Variants in SLC37A1 observed in about 807,000 individuals in gnomAD.
The protein encoded by SLC37A1 is solute carrier family 37 member 1.
A neutral mutation model predicts 75.3 loss-of-function variants in SLC37A1; 49 were observed. The ratio of observed to expected loss-of-function variants is 0.65; its 90% CI spans 0.52 to 0.83. The LOEUF (loss-of-function observed/expected upper bound fraction) is 0.83, where lower values mean the gene tolerates loss of function less well. SLC37A1 is among the 40% of genes least tolerant of loss of function. SLC37A1 has a pLI of 0.00. For synonymous variants in SLC37A1, 268 were observed against 292.1 expected (o/e 0.92, Z 0.84); for missense variants, 566 against 695.0 (o/e 0.81, Z 2.09).
At chr21:42,501,811 A>T (rs188812443) in intron 1 of SLC37A1, among the ~76,000 whole-genome samples, 83 of 152,336 alleles carry the variant, frequency 5.4e-4, no homozygotes, top group African/African-American at 1.8e-3. Context: ...CTACTGGTGG[A>T]TATGTAAGGC....
intron 2 of SLC37A1, among the ~76,000 whole-genome samples, chr21:42,523,031 C>T (rs2054691823): frequency 6.6e-6 from 1 of 152,262 alleles, no homozygotes; most frequent in African/African-American, 2.4e-5. Flanking sequence ...ACTCTTCAGA[C>T]CTCAGCCCGA....
chr21:42,560,091 G>A (rs555860309), intron 11 of SLC37A1, among the ~76,000 whole-genome samples: 4 of 152,300 alleles, frequency 2.6e-5, no homozygotes, highest in Admixed American at 1.3e-4. Context: ...CGTGATCAGC[G>A]GGTGATCAGT....
At chr21:42,523,830 C>T (rs1323111233) in intron 2 of SLC37A1, among the ~76,000 whole-genome samples, 1 of 151,828 alleles carries the variant, frequency 6.6e-6, no homozygotes, top group African/African-American at 2.4e-5. Context: ...AAGGCACAGG[C>T]ATTCCAAAGG....
At chr21:42,572,303 G>A (rs989465523) in intron 17 of SLC37A1, among the ~76,000 whole-genome samples, 1 of 152,038 alleles carries the variant, frequency 6.6e-6, no homozygotes, top group Non-Finnish European at 1.5e-5. Context: ...GGGGCACCTG[G>A]TGGCACCTTC....
intron 16 of SLC37A1, 93 bp from the exon 17 acceptor site, chr21:42,568,267 T>C: frequency 1.0e-6 from 1 of 970,714 alleles, no homozygotes; most frequent in Non-Finnish European, 1.6e-6. Context: ...TGAGTTGTTT[T>C]GCAGAGCAGT....
upstream of SLC37A1, among the ~76,000 whole-genome samples, chr21:42,510,090 C>G (rs962669473): frequency 1.3e-5 from 2 of 152,180 alleles, no homozygotes; most frequent in Admixed American, 6.5e-5. Flanking sequence ...TGCAGTGATG[C>G]GATCTCAGCT....
intron 17 of SLC37A1, among the ~76,000 whole-genome samples, chr21:42,568,715 T>C (rs1362227483): frequency 6.6e-6 from 1 of 152,208 alleles, no homozygotes; most frequent in Non-Finnish European, 1.5e-5. Context: ...CTAACTCAGG[T>C]CCACTCATTA....
intron 2 of SLC37A1, among the ~76,000 whole-genome samples, chr21:42,503,420 T>C (rs1279147951): frequency 6.7e-6 from 1 of 149,110 alleles, no homozygotes; most frequent in Non-Finnish European, 1.5e-5. Flanking sequence ...TGGCTGATTT[T>C]TTGTATTTTT....
intron 10 of SLC37A1, among the ~76,000 whole-genome samples, chr21:42,555,962 C>T (rs2055680359): frequency 6.6e-6 from 1 of 152,220 alleles, no homozygotes; most frequent in African/African-American, 2.4e-5. Flanking sequence ...GTTGGCTGGA[C>T]ACCCTGGATG....
Position 42,580,337 on chromosome 21 carries a change from T to G in SLC37A1, c.1587-8T>G, listed in dbSNP as rs760482447. The G allele has an allele frequency of 5.6e-6, 9 of 1,612,758 alleles. No individual in the cohort carries two copies. In the East Asian group the frequency reaches 1.8e-4, roughly 32 times the overall value. On this transcript the variant is annotated splice_polypyrimidine_tract_variant and splice_region_variant and intron_variant, in intron 19 of 19. Coordinates refer to ENST00000352133, the MANE Select transcript of SLC37A1 (RefSeq NM_001320537.2). ...TTAGAGCAGCTCTTCTTTCAACCTT[T>G]CTTTCAGATTTAAGGAACAGTGACA...
Position 42,568,291 on chromosome 21 carries a change from C to A in SLC37A1, c.1345-69C>A. ...TTGCAGAGCAGTTTGAGTAAATGGTCATACAGAGGCTTAGGTTTACTTCTC... is the reference window on the plus strand; with the variant it reads ...TTGCAGAGCAGTTTGAGTAAATGGTAATACAGAGGCTTAGGTTTACTTCTC... On this transcript the variant is annotated intron_variant, in intron 16 of 19. Coordinates refer to ENST00000352133, the MANE Select transcript of SLC37A1 (RefSeq NM_001320537.2). 3 of 1,252,388 alleles carry A rather than the reference C, an allele frequency of 2.4e-6. No individual in the cohort carries two copies. The South Asian group carries it at 3.7e-5, about 16-fold the overall frequency. 77.6% of individuals were successfully genotyped at this position (1,252,388 alleles called of 1,614,324 possible). A position where few individuals can be genotyped will look rare whatever the true frequency, so the allele number is the denominator to read the frequency against.
chr21:42,553,679 T>C (rs1459559127), intron 9 of SLC37A1, among the ~76,000 whole-genome samples: 1 of 151,510 alleles, frequency 6.6e-6, no homozygotes, highest in East Asian at 1.9e-4. Context: ...TTTTTTTTTT[T>C]CCTTCAGAAG....
Position 42,530,643 on chromosome 21 carries a change from CACACA to C in SLC37A1, c.139-4054_139-4050del, listed in dbSNP as rs2054933483. On this transcript the variant is annotated intron_variant, in intron 3 of 19. Transcript: ENST00000352133. The stretch of plus-strand genomic sequence containing the variant: ...ACACACACACACACACACACACACA[CACACA>C]CACACACCCCCTCTGTGTTGGCTGA... 1.7e-3 allele frequency among the ~76,000 whole-genome samples: 55 copies of C among 31,788 alleles called. 1 individual carries two copies. The highest frequency in any genetic ancestry group is 3.9e-3 in the Admixed American group (8 of 2,026). 20.9% of individuals were successfully genotyped at this position (31,788 alleles called of 152,430 possible). A position where few individuals can be genotyped will look rare whatever the true frequency, so the allele number is the denominator to read the frequency against.
Position 42,547,202 on chromosome 21 carries a change from C to T in SLC37A1, c.768+62C>T, listed in dbSNP as rs1187958874. On this transcript the variant is annotated intron_variant, in intron 9 of 19. Transcript: ENST00000352133. This position sits in a 1 kb window ranked among gnomAD's most constrained non-coding sequence, Gnocchi z 6.1. ...TGTGCGGTTCTGACCACTTCCCCAG[C>T]CTGCTCCTGCCTGTGCGGTGTCAGA... The T allele has an allele frequency of 4.1e-5, 65 of 1,573,566 alleles. 1 individual carries two copies. The highest frequency in any genetic ancestry group is 4.7e-5 in the Non-Finnish European group (54 of 1,143,302).
At chr21:42,543,032 T>A (rs2055322221) in intron 7 of SLC37A1, among the ~76,000 whole-genome samples, 1 of 152,226 alleles carries the variant, frequency 6.6e-6, no homozygotes, top group African/African-American at 2.4e-5. Context: ...CGTCATCAGG[T>A]CTTAAGTCTT....
intron 10 of SLC37A1, among the ~76,000 whole-genome samples, chr21:42,556,401 T>G (rs752528258): frequency 6.6e-6 from 1 of 152,204 alleles, no homozygotes; most frequent in Non-Finnish European, 1.5e-5. Context: ...AAGTGGGGAC[T>G]CCACAAATCT....
At position 42,547,104 on chromosome 21, in the gene SLC37A1, T is replaced by G. The variant is rs769672428; in HGVS notation, c.732T>G (p.His244Gln). The G allele has an allele frequency of 1.4e-5, 22 of 1,614,038 alleles. No homozygotes were observed. In the East Asian group the frequency reaches 4.9e-4, roughly 36 times the overall value. The change falls in exon 9 of 20, where the codon CAT (histidine) becomes CAG (glutamine). Residue 244 changes from histidine (H) to glutamine (Q), a missense_variant and splice_region_variant. By Grantham distance (24) the His-to-Gln change is conservative. Coordinates refer to ENST00000352133, the MANE Select transcript of SLC37A1 (RefSeq NM_001320537.2). This position sits in a 1 kb window ranked among gnomAD's most constrained non-coding sequence, Gnocchi z 6.1. ...GIVCFLFLIEHPNDVRCSSTL... is the reference protein window; with the variant it reads ...GIVCFLFLIEQPNDVRCSSTL... Reference sequence around the variant, plus strand: ...CCTCACTCATGTTTGCTCTTTCAGATCCGAACGACGTCAGGTGCTCCTCCA... The same window carrying G: ...CCTCACTCATGTTTGCTCTTTCAGAGCCGAACGACGTCAGGTGCTCCTCCA...
In SLC37A1 at chr21:42,500,142, C is replaced by G. The variant is rs114965081; in HGVS notation, c.-301+399C>G. Among the ~76,000 whole-genome samples the G allele has an allele frequency of 7.1e-3, 1,083 of 152,252 alleles. 13 individuals are homozygous for G. Among genetic ancestry groups the G allele is most frequent in the African/African-American group, 0.025 (1,019 of 41,528 alleles). ...TTGTAGGCACTGTTCAGATAAAAAG[C>G]AGGGACTTTCAACAAAATGAGTTCA... is the stretch of plus-strand genomic sequence containing the variant. On this transcript the variant is annotated intron_variant, in intron 1 of 20. Transcript: ENST00000398341.
At chr21:42,564,852 C>A in intron 14 of SLC37A1, 59 bp downstream of exon 14, 1 of 1,483,154 alleles carries the variant, frequency 6.7e-7, no homozygotes, top group Non-Finnish European at 9.3e-7. Flanking sequence ...CACTGTCCTC[C>A]TCGCCAGCCA....
Sources: gnomAD v4.1 joint callset for allele counts (sites outside exome capture counted in the v4.1 genomes callset) on GRCh38, gnomAD v4.1.1 for gene constraint, Gnocchi (gnomAD v3.1) non-coding constraint, MANE v1.5 for transcripts, NCBI Gene and HGNC (gene_info 2026-07-23, HGNC 2026-07-21) for gene names.